GPC5: variants seen among roughly 807,000 people sequenced by gnomAD.
GPC5 encodes glypican-5.
Under a neutral mutation model 53.9 loss-of-function variants are expected in GPC5, and 47 were observed. That is an observed-to-expected ratio of 0.87 (90% CI 0.69 to 1.11). The LOEUF (loss-of-function observed/expected upper bound fraction) is 1.11, where lower values mean the gene tolerates loss of function less well. Ranked by LOEUF, GPC5 falls within the 50% of genes most tolerant of loss-of-function variation. The pLI, the probability that GPC5 is intolerant of heterozygous loss-of-function variation, is 0.00. For synonymous variants in GPC5, 286 were observed against 263.3 expected, an observed-to-expected ratio of 1.09 and a Z score of -0.84; for missense variants, 748 against 713.1, an observed-to-expected ratio of 1.05 and a Z score of -0.56.
chr13:91,943,693 G>A (rs143083870), intron 6 of GPC5, among the ~76,000 whole-genome samples: 17 of 152,194 alleles, frequency 1.1e-4, no homozygotes, highest in Non-Finnish European at 1.9e-4. Context: ...GGAGTAGGAC[G>A]GATTATATTA....
At chr13:91,561,503 A>G (rs1221929333) in intron 2 of GPC5, among the ~76,000 whole-genome samples, 1 of 152,134 alleles carries the variant, frequency 6.6e-6, no homozygotes, top group Non-Finnish European at 1.5e-5. Context: ...ACTGTTAGTA[A>G]CTGTGAACTA....
In GPC5 at chr13:91,458,414, C is replaced by T. The variant is rs114620966; in HGVS notation, c.325+9492C>T. On this transcript the variant is annotated intron_variant, in intron 2 of 7. Transcript: ENST00000377067. Reference sequence around the variant, plus strand: ...GAATGGGGAAAACTTGAAAACATTCCCCGCCAAGAGCTGGAACAAGACAAG... The same window carrying T: ...GAATGGGGAAAACTTGAAAACATTCTCCGCCAAGAGCTGGAACAAGACAAG... Among the ~76,000 whole-genome samples the T allele has an allele frequency of 2.9e-3, 436 of 152,102 alleles. 2 individuals carry two copies. Among genetic ancestry groups the T allele is most frequent in the African/African-American group, 9.9e-3 (411 of 41,506 alleles).
At chr13:92,815,668 G>T (rs903214632) in intron 7 of GPC5, among the ~76,000 whole-genome samples, 1 of 151,860 alleles carries the variant, frequency 6.6e-6, no homozygotes, top group African/African-American at 2.4e-5. Flanking sequence ...GACAGTAGAA[G>T]CCAATCAATG....
chr13:91,899,915 C>A (rs1351301886), intron 5 of GPC5, among the ~76,000 whole-genome samples: 3 of 152,048 alleles, frequency 2.0e-5, no homozygotes, highest in African/African-American at 7.2e-5. Context: ...CCTCTTAACC[C>A]ACCAAGTTTG....
intron 7 of GPC5, among the ~76,000 whole-genome samples, chr13:92,708,915 C>T (rs1472135702): frequency 2.2e-5 from 2 of 90,416 alleles, no homozygotes; most frequent in African/African-American, 8.5e-5. Flanking sequence ...CAGAGTCTAG[C>T]TCTGTTGCCC....
chr13:92,270,297 G>A (rs2042831202), intron 7 of GPC5, among the ~76,000 whole-genome samples: 1 of 152,170 alleles, frequency 6.6e-6, no homozygotes, highest in African/African-American at 2.4e-5. Flanking sequence ...TTGGAGGTGG[G>A]TCTCCGTGGG....
intron 7 of GPC5, among the ~76,000 whole-genome samples, chr13:92,598,915 G>C (rs1271617427): frequency 6.6e-6 from 1 of 152,124 alleles, no homozygotes; most frequent in Non-Finnish European, 1.5e-5. Context: ...TACTTTGTGT[G>C]AGACTGTCTG....
intron 7 of GPC5, among the ~76,000 whole-genome samples, chr13:92,541,105 C>T (rs1881917921): frequency 6.6e-6 from 1 of 151,530 alleles, no homozygotes; most frequent in African/African-American, 2.4e-5. Flanking sequence ...AAGGTTATGG[C>T]ATAGTATAGA....
At chr13:92,848,325 G>A (rs954727798) in intron 7 of GPC5, among the ~76,000 whole-genome samples, 1 of 151,992 alleles carries the variant, frequency 6.6e-6, no homozygotes, top group Non-Finnish European at 1.5e-5. Context: ...CTTGACCCCA[G>A]GTTCTTTCTA....
chr13:92,531,091 ATCTT>A (rs781336676), intron 7 of GPC5, among the ~76,000 whole-genome samples: 51 of 152,220 alleles, frequency 3.4e-4, no homozygotes, highest in Non-Finnish European at 5.9e-4. Context: ...TGATTGTAGA[ATCTT>A]TCTGGTTGTA....
rs533848900 is a variant in GPC5 at position 91,831,111 on chromosome 13, T to G, written c.1280+74691T>G. ...AATATATATCCTATTATATATAATA[T>G]GAATGTATATATATGAGTTTATTAA... On this transcript the variant is annotated intron_variant, in intron 5 of 7. Coordinates refer to ENST00000377067, the MANE Select transcript of GPC5 (RefSeq NM_004466.6). 3.8e-3 allele frequency among the ~76,000 whole-genome samples: 534 copies of G among 141,936 alleles called. 6 individuals carry two copies. Among genetic ancestry groups the G allele is most frequent in the African/African-American group, 0.013 (509 of 38,052 alleles). The allele number at this position is 141,936 out of a possible 152,430, so 93.1% of individuals were successfully genotyped here.
At chr13:92,426,128 C>T (rs1876822104) in intron 7 of GPC5, among the ~76,000 whole-genome samples, 1 of 152,060 alleles carries the variant, frequency 6.6e-6, no homozygotes, top group South Asian at 2.1e-4. Flanking sequence ...ACAATGGAAG[C>T]TTCAGTTTTC....
chr13:91,988,122 T>A (rs1310570752), intron 6 of GPC5, among the ~76,000 whole-genome samples: 2 of 151,016 alleles, frequency 1.3e-5, no homozygotes, highest in African/African-American at 4.9e-5. Context: ...TAGATACATA[T>A]TTTTAAGGCC....
At chr13:92,550,673 A>T (rs989847167) in intron 7 of GPC5, among the ~76,000 whole-genome samples, 1 of 151,788 alleles carries the variant, frequency 6.6e-6, no homozygotes, top group Non-Finnish European at 1.5e-5. Flanking sequence ...GTTTGTCAAA[A>T]CTCAGTAAAG....
chr13:92,746,196 C>T (rs1002935884), intron 7 of GPC5, among the ~76,000 whole-genome samples: 1 of 152,044 alleles, frequency 6.6e-6, no homozygotes, highest in Non-Finnish European at 1.5e-5. Flanking sequence ...GAATCCAAGC[C>T]AGTAAAGTAG....
intron 7 of GPC5, among the ~76,000 whole-genome samples, chr13:92,795,590 G>A (rs1876644258): frequency 2.0e-5 from 3 of 152,196 alleles, no homozygotes; most frequent in Admixed American, 2.0e-4. Context: ...GAGTGAACAG[G>A]CAACCTACAG....
intron 7 of GPC5, among the ~76,000 whole-genome samples, chr13:92,673,082 A>AAT (rs756781200): frequency 2.2e-4 from 34 of 152,118 alleles, no homozygotes; most frequent in Non-Finnish European, 4.6e-4. Flanking sequence ...AAAGTAGCTC[A>AAT]ATAAGTTTTA....
chr13:92,147,218 A>G (rs2041874241), intron 7 of GPC5, among the ~76,000 whole-genome samples: 2 of 152,104 alleles, frequency 1.3e-5, no homozygotes, highest in East Asian at 3.8e-4. Context: ...TAAAAGCTAA[A>G]ATATCTTCCA....
intron 7 of GPC5, among the ~76,000 whole-genome samples, chr13:92,661,115 C>T (rs1314706171): frequency 6.6e-6 from 1 of 151,848 alleles, no homozygotes; most frequent in Non-Finnish European, 1.5e-5. Flanking sequence ...TCCTGGGCAA[C>T]AAAGTGAAAC....
Sources: gnomAD v4.1 joint callset for allele counts (sites outside exome capture counted in the v4.1 genomes callset) on GRCh38, gnomAD v4.1.1 for gene constraint, MANE v1.5 for transcripts, NCBI Gene and HGNC (gene_info 2026-07-23, HGNC 2026-07-21) for gene names.